GSTCD: variants seen among roughly 807,000 people sequenced by gnomAD.
GSTCD encodes glutathione S-transferase C-terminal domain containing, also known as glutathione S-transferase C-terminal domain-containing protein.
GSTCD carries 44 observed loss-of-function variants against 68.3 expected under a neutral mutation model. That is an observed-to-expected ratio of 0.64 (90% confidence interval 0.51 to 0.83). The LOEUF (loss-of-function observed/expected upper bound fraction) is 0.83, where lower values mean the gene tolerates loss of function less well. Among genes scored for constraint, GSTCD ranks in the 40% least tolerant of loss-of-function variants. The probability of loss-of-function intolerance (pLI) is 0.00; values close to 1 mark genes in which losing one functional copy is unlikely to be tolerated. For missense variants in GSTCD, 739 were observed against 735.9 expected (o/e 1.00, Z -0.05); for synonymous variants, 273 against 255.2 (o/e 1.07, Z -0.67).
rs114523326 is a variant in GSTCD at position 105,727,441 on chromosome 4, T to C, written c.1146+611T>C. ...CAGGAGGCTAAGGCACCAGAATAGC[T>C]TGAACTTCGGAGGGCGGAGGTTTCA... is the stretch of plus-strand genomic sequence containing the variant. On this transcript the variant is annotated intron_variant, in intron 4 of 11. Coordinates refer to ENST00000515279, the MANE Select transcript of GSTCD (RefSeq NM_001370181.1). Among the ~76,000 whole-genome samples the C allele has an allele frequency of 8.9e-3, 1,357 of 151,888 alleles. 19 individuals are homozygous for C. Among genetic ancestry groups the C allele is most frequent in the African/African-American group, 0.029 (1,208 of 41,410 alleles).
Position 105,741,711 on chromosome 4 carries a change from G to C in GSTCD, c.1240+12212G>C, listed in dbSNP as rs533106541. Among the ~76,000 whole-genome samples, 3 of 152,250 alleles carry C rather than the reference G, an allele frequency of 2.0e-5. No individual in the cohort carries two copies. The South Asian group carries it at 6.2e-4, about 32-fold the overall frequency. On this transcript the variant is annotated intron_variant, in intron 5 of 11. Coordinates refer to ENST00000515279, the MANE Select transcript of GSTCD (RefSeq NM_001370181.1). ...TGGTTAGAAGTTCATATCTAACAGA[G>C]TTCATGGAATATATTACTCATTACA...
At chr4:105,728,680 T>TATATAG (rs5860812) in intron 4 of GSTCD, among the ~76,000 whole-genome samples, 48 of 146,938 alleles carry the variant, frequency 3.3e-4, no homozygotes, top group Non-Finnish European at 5.7e-4. Flanking sequence ...TAGATATAGA[T>TATATAG]ATATAGATAT....
At chr4:105,732,203 C>T (rs954838312) in intron 5 of GSTCD, among the ~76,000 whole-genome samples, 6 of 152,184 alleles carry the variant, frequency 3.9e-5, no homozygotes, top group African/African-American at 1.4e-4. Context: ...ATGCTGGCCT[C>T]ATAAAATGAG....
At chr4:105,835,299 C>T (rs995140353) in intron 9 of GSTCD, among the ~76,000 whole-genome samples, 6 of 152,148 alleles carry the variant, frequency 3.9e-5, no homozygotes, top group Admixed American at 3.9e-4. Flanking sequence ...CTTGCACTAC[C>T]AGCACAGATC....
At chr4:105,823,159 A>G (rs1723398164) in intron 6 of GSTCD, 72 bp from the exon 7 acceptor site, 1 of 1,587,050 alleles carries the variant, frequency 6.3e-7, no homozygotes, top group Non-Finnish European at 8.7e-7. Context: ...TTATTTGGCA[A>G]GATTGTGGTT....
intron 5 of GSTCD, among the ~76,000 whole-genome samples, chr4:105,742,771 G>A (rs1433333654): frequency 6.8e-6 from 1 of 148,102 alleles, no homozygotes; most frequent in Non-Finnish European, 1.5e-5. Flanking sequence ...CTGAAGTGCA[G>A]TGGCTCAATC....
intron 11 of GSTCD, among the ~76,000 whole-genome samples, chr4:105,842,675 A>G (rs969242242): frequency 2.0e-5 from 3 of 152,228 alleles, no homozygotes; most frequent in South Asian, 2.1e-4. Context: ...AAAAACAATC[A>G]CATTTAAAAG....
At chr4:105,784,140 T>A (rs1193461373) in intron 5 of GSTCD, among the ~76,000 whole-genome samples, 2 of 152,260 alleles carry the variant, frequency 1.3e-5, no homozygotes, top group Non-Finnish European at 2.9e-5. Flanking sequence ...TGAGACTATG[T>A]ACATATCTTA....
chr4:105,759,772 T>C (rs921890108), intron 5 of GSTCD, among the ~76,000 whole-genome samples: 1 of 152,178 alleles, frequency 6.6e-6, no homozygotes, highest in South Asian at 2.1e-4. Context: ...TTTTTACAAA[T>C]TTTTACCAAA....
At chr4:105,834,347 A>T in intron 8 of GSTCD, 114 bp from the exon 9 acceptor site, 3 of 766,512 alleles carry the variant, frequency 3.9e-6, no homozygotes, top group Non-Finnish European at 6.1e-6. Context: ...ATTAATTGAT[A>T]TGTGTAGCTA....
chr4:105,769,251 A>G (rs917391218), intron 5 of GSTCD, among the ~76,000 whole-genome samples: 1 of 151,574 alleles, frequency 6.6e-6, no homozygotes, highest in African/African-American at 2.4e-5. Context: ...ACACACACAC[A>G]CACACACACA....
At chr4:105,807,808 C>A (rs981502456) in intron 5 of GSTCD, among the ~76,000 whole-genome samples, 2 of 152,012 alleles carry the variant, frequency 1.3e-5, no homozygotes, top group Admixed American at 1.3e-4. Context: ...GTAAGAATAC[C>A]GGTTTCCCTT....
At position 105,753,909 on chromosome 4, in the gene GSTCD, G is replaced by A. The variant is rs562621347; in HGVS notation, c.1240+24410G>A. ...TCCAGACTTCTTTTAAATATCTCAC[G>A]GTAAGTAATATTGTTTTTAAGCTTA... On this transcript the variant is annotated intron_variant, in intron 5 of 11. Coordinates refer to ENST00000515279, the MANE Select transcript of GSTCD (RefSeq NM_001370181.1). 8.6e-3 allele frequency among the ~76,000 whole-genome samples: 1,295 copies of A among 151,454 alleles called. 20 individuals carry two copies. Among genetic ancestry groups the A allele is most frequent in the African/African-American group, 0.029 (1,216 of 41,364 alleles).
chr4:105,731,883 T>G (rs1428452512), intron 5 of GSTCD, among the ~76,000 whole-genome samples: 9 of 152,214 alleles, frequency 5.9e-5, no homozygotes, highest in Admixed American at 5.9e-4. Context: ...ACCTAATTTA[T>G]TGAGAGTTTT....
chr4:105,847,531 C>T lies in GSTCD; in HGVS notation c.*1954C>T, dbSNP rs1246765698. 1 of 152,120 alleles carries T rather than the reference C, an allele frequency of 6.6e-6. No individual in the cohort carries two copies. Among genetic ancestry groups the T allele is most frequent in the Non-Finnish European group, 1.5e-5 (1 of 68,030 alleles). 9.4% of individuals were successfully genotyped at this position (152,120 alleles called of 1,614,324 possible). A position where few individuals can be genotyped will look rare whatever the true frequency, so the allele number is the denominator to read the frequency against. On this transcript the variant is annotated 3_prime_UTR_variant, in exon 12 of 12. Transcript: ENST00000515279. The stretch of plus-strand genomic sequence containing the variant: ...ACTGTATATATACATGTAACCATCA[C>T]TGGAATCAGATATAGAATATTCCCC...
chr4:105,786,492 G>T (rs1238353742), intron 5 of GSTCD, among the ~76,000 whole-genome samples: 1 of 147,148 alleles, frequency 6.8e-6, no homozygotes, highest in African/African-American at 2.5e-5. Flanking sequence ...TCTGCCCTGG[G>T]CAACAGAGCA....
chr4:105,768,348 A>T (rs1396332063), intron 5 of GSTCD, among the ~76,000 whole-genome samples: 1 of 152,036 alleles, frequency 6.6e-6, no homozygotes, highest in Non-Finnish European at 1.5e-5. Context: ...TTATATTCTT[A>T]AATCTGTGCC....
At chr4:105,726,544 T>G in intron 3 of GSTCD, 35 bp from the exon 4 acceptor site, 12 of 1,363,684 alleles carry the variant, frequency 8.8e-6, no homozygotes, top group Non-Finnish European at 1.2e-5. Context: ...AAACAAAATA[T>G]ATATAATAAT....
At chr4:105,738,921 C>G (rs1733545117) in intron 5 of GSTCD, among the ~76,000 whole-genome samples, 2 of 152,138 alleles carry the variant, frequency 1.3e-5, no homozygotes, top group Non-Finnish European at 2.9e-5. Context: ...TGTTCCAATT[C>G]TTAGAGGAAA....
Sources: gnomAD v4.1 joint callset for allele counts (sites outside exome capture counted in the v4.1 genomes callset) on GRCh38, gnomAD v4.1.1 for gene constraint, MANE v1.5 for transcripts, NCBI Gene and HGNC (gene_info 2026-07-23, HGNC 2026-07-21) for gene names.